The following CTNNA3 variants were observed in gnomAD, a reference collection of about 807,000 sequenced individuals.
The protein encoded by CTNNA3 is catenin alpha-3.
A neutral mutation model predicts 95.7 loss-of-function variants in CTNNA3; 76 were observed. The ratio of observed to expected loss-of-function variants is 0.79; its 90% confidence interval spans 0.66 to 0.96. The LOEUF is 0.96. Ranked by LOEUF, CTNNA3 falls within the 40% of genes least tolerant of loss-of-function variation. The pLI is 0.00. For missense variants in CTNNA3, 1,191 were observed against 1,089.8 expected, an observed-to-expected ratio of 1.09 and a Z score of -1.31; for synonymous variants, 431 against 374.4, an observed-to-expected ratio of 1.15 and a Z score of -1.74.
intron 2 of CTNNA3, among the ~76,000 whole-genome samples, chr10:67,632,645 A>G (rs1292519712): frequency 6.6e-6 from 1 of 152,172 alleles, no homozygotes; most frequent in Non-Finnish European, 1.5e-5. Context: ...CCACCTGGAA[A>G]ACCACGCTTT....
chr10:66,872,528 G>A (rs933764387), intron 7 of CTNNA3, among the ~76,000 whole-genome samples: 2 of 152,008 alleles, frequency 1.3e-5, no homozygotes, highest in Non-Finnish European at 2.9e-5. Context: ...AATTAGCTGG[G>A]CATGGTGGCG....
intron 3 of CTNNA3, among the ~76,000 whole-genome samples, chr10:67,585,150 T>C (rs1450249898): frequency 6.6e-6 from 1 of 152,198 alleles, no homozygotes; most frequent in Non-Finnish European, 1.5e-5. Flanking sequence ...TCACTCATGC[T>C]GGGAGCTGTA....
At chr10:67,492,854 G>A (rs1337792649) in intron 5 of CTNNA3, among the ~76,000 whole-genome samples, 1 of 152,192 alleles carries the variant, frequency 6.6e-6, no homozygotes, top group Non-Finnish European at 1.5e-5. Context: ...TGCCTTCACT[G>A]AGTCTGCTGG....
At chr10:66,793,528 T>C (rs1463150565) in intron 7 of CTNNA3, among the ~76,000 whole-genome samples, 1 of 152,222 alleles carries the variant, frequency 6.6e-6, no homozygotes, top group East Asian at 1.9e-4. Context: ...TACCTACTTG[T>C]CCAGTATCTA....
chr10:67,075,292 T>C (rs1589701836), intron 7 of CTNNA3, among the ~76,000 whole-genome samples: 1 of 152,054 alleles, frequency 6.6e-6, no homozygotes, highest in Non-Finnish European at 1.5e-5. Context: ...ACTTTATCCA[T>C]AAGTAGGTAA....
intron 11 of CTNNA3, among the ~76,000 whole-genome samples, chr10:66,430,721 T>A (rs930689090): frequency 2.6e-5 from 4 of 152,168 alleles, no homozygotes; most frequent in Admixed American, 6.6e-5. Context: ...TGAAACTGGA[T>A]CCCTTCCTTA....
At position 65,913,454 on chromosome 10, in the gene CTNNA3, C is replaced by G. The variant is rs2076970204; in HGVS notation, c.*6876G>C. 6.6e-6 allele frequency: 1 copy of G among 152,076 alleles called. No individual in the cohort carries two copies. Among genetic ancestry groups the G allele is most frequent in the African/African-American group, 2.4e-5 (1 of 41,410 alleles). 9.4% of individuals were successfully genotyped at this position (152,076 alleles called of 1,614,324 possible). ...GAAATTATTATGCTACCATTTAGGT[C>G]TAAGGAAATTTTCTTTGGAGGGACT... On this transcript the variant is annotated 3_prime_UTR_variant, in exon 18 of 18. Transcript: ENST00000433211.
intron 7 of CTNNA3, among the ~76,000 whole-genome samples, chr10:66,797,452 A>C (rs1841251651): frequency 6.6e-6 from 1 of 151,422 alleles, no homozygotes. Context: ...ACTATTGTGC[A>C]TGAATAAATG....
intron 5 of CTNNA3, among the ~76,000 whole-genome samples, chr10:67,481,481 A>G (rs1848226745): frequency 6.6e-6 from 1 of 152,176 alleles, no homozygotes; most frequent in Non-Finnish European, 1.5e-5. Context: ...CTATATACCA[A>G]TAATGTTCAA....
At chr10:65,985,039 C>T (rs2078399652) in intron 16 of CTNNA3, among the ~76,000 whole-genome samples, 1 of 150,912 alleles carries the variant, frequency 6.6e-6, no homozygotes, top group Admixed American at 6.6e-5. Context: ...ACGGAAAAGA[C>T]ATATGTTCTT....
At position 66,077,509 on chromosome 10, in the gene CTNNA3, A is replaced by C. The variant is rs114087049; in HGVS notation, c.1978-8020T>G. Among the ~76,000 whole-genome samples, 411 of 151,998 alleles carry C rather than the reference A, an allele frequency of 2.7e-3. 1 individual carries two copies. The highest frequency in any genetic ancestry group is 9.6e-3 in the African/African-American group (400 of 41,566). On this transcript the variant is annotated intron_variant, in intron 14 of 17. Coordinates refer to ENST00000433211, the MANE Select transcript of CTNNA3 (RefSeq NM_013266.4). ...CTGGGCCTGAGAAATAAAGCAGTCC[A>C]TGCACATTTTACCAATAAAAATTAA... is the stretch of plus-strand genomic sequence containing the variant.
chr10:66,089,342 C>T (rs2081122537), intron 14 of CTNNA3, among the ~76,000 whole-genome samples: 2 of 151,610 alleles, frequency 1.3e-5, no homozygotes, highest in Non-Finnish European at 2.9e-5. Context: ...TCCTCTCTTT[C>T]TTTCTCCCTC....
intron 7 of CTNNA3, among the ~76,000 whole-genome samples, chr10:67,072,795 T>A (rs1324979817): frequency 1.3e-5 from 2 of 152,146 alleles, no homozygotes; most frequent in Non-Finnish European, 2.9e-5. Flanking sequence ...TCAAAAAGAG[T>A]TCAATGGTAT....
chr10:67,573,283 C>A (rs531149890), intron 3 of CTNNA3, among the ~76,000 whole-genome samples: 28 of 152,222 alleles, frequency 1.8e-4, no homozygotes, highest in African/African-American at 6.7e-4. Flanking sequence ...AAAAAAATTT[C>A]CTCAAAACCA....
chr10:67,268,512 T>A (rs1310744584), intron 5 of CTNNA3, among the ~76,000 whole-genome samples: 1 of 152,002 alleles, frequency 6.6e-6, no homozygotes, highest in Non-Finnish European at 1.5e-5. Flanking sequence ...AGACCCAGCC[T>A]CTGAACAAAC....
intron 1 of CTNNA3, among the ~76,000 whole-genome samples, chr10:67,727,515 T>C (rs986584125): frequency 3.6e-4 from 48 of 131,714 alleles, no homozygotes; most frequent in East Asian, 2.1e-4. Context: ...ATATATAACA[T>C]ATCATATATT....
intron 15 of CTNNA3, among the ~76,000 whole-genome samples, chr10:66,057,903 T>C (rs2080117813): frequency 6.6e-6 from 1 of 152,208 alleles, no homozygotes; most frequent in Non-Finnish European, 1.5e-5. Context: ...TGTGTATATT[T>C]ACCACACATA....
chr10:67,085,391 GA>G (rs944563252), intron 7 of CTNNA3, among the ~76,000 whole-genome samples: 14 of 147,258 alleles, frequency 9.5e-5, no homozygotes, highest in South Asian at 2.1e-4. Flanking sequence ...ATGCAACTGT[GA>G]AAAAAAAAAT....
At chr10:66,995,134 C>T (rs1851257652) in intron 7 of CTNNA3, among the ~76,000 whole-genome samples, 1 of 152,152 alleles carries the variant, frequency 6.6e-6, no homozygotes, top group Non-Finnish European at 1.5e-5. Context: ...TTGAATGTCA[C>T]AGAAATAATG....
Sources: allele counts gnomAD v4.1 joint callset (sites outside exome capture counted in the v4.1 genomes callset), GRCh38; gene constraint gnomAD v4.1.1; transcripts MANE v1.5; gene names NCBI Gene and HGNC (gene_info 2026-07-23, HGNC 2026-07-21).